Variants in NID1 observed in about 807,000 individuals in gnomAD.
NID1 encodes the protein nidogen-1.
In NID1, 76 loss-of-function variants were observed where a neutral mutation model predicts 130.6. The observed-to-expected ratio is 0.58, with a 90% CI of 0.48 to 0.70. The LOEUF (loss-of-function observed/expected upper bound fraction) is 0.70. Ranked by LOEUF, NID1 falls within the 30% of genes least tolerant of loss-of-function variation. The pLI, the probability that NID1 is intolerant of heterozygous loss-of-function variation, is 0.00. For missense variants in NID1, 1,517 were observed against 1,664.8 expected (o/e 0.91, Z 1.54); for synonymous variants, 665 against 675.1 (o/e 0.98, Z 0.23).
chr1:236,011,335 C>T (rs1298130000), intron 12 of NID1, among the ~76,000 whole-genome samples: 1 of 144,532 alleles, frequency 6.9e-6, no homozygotes, highest in East Asian at 2.0e-4. Flanking sequence ...GGCAGTCCCA[C>T]TCTGTCACCC....
rs1657235905 is a variant in NID1 at position 235,975,935 on chromosome 1, T to A, written c.*1932A>T. The A allele has an allele frequency of 6.5e-6, 1 of 152,672 alleles. No individual in the cohort carries two copies. Among genetic ancestry groups the A allele is most frequent in the Non-Finnish European group, 1.5e-5 (1 of 68,044 alleles). The allele number at this position is 152,672 out of a possible 1,614,324, so 9.5% of individuals were successfully genotyped here. On this transcript the variant is annotated 3_prime_UTR_variant, in exon 20 of 20. Transcript: ENST00000264187. ...TCTGGGAGAACAGTTAATAAGCACCTTCAGTGGTTTCCACAGTTTAAGAAT... is the reference window on the plus strand; with the variant it reads ...TCTGGGAGAACAGTTAATAAGCACCATCAGTGGTTTCCACAGTTTAAGAAT...
chr1:236,047,779 C>T (rs1332627158), intron 2 of NID1, among the ~76,000 whole-genome samples: 1 of 152,120 alleles, frequency 6.6e-6, no homozygotes, highest in Admixed American at 6.5e-5. Context: ...GTAATCCCAG[C>T]ACTTTGGGAG....
chr1:236,032,740 G>A, intron 5 of NID1, 88 bp from the exon 6 acceptor site: 1 of 1,511,354 alleles, frequency 6.6e-7, no homozygotes, highest in East Asian at 2.3e-5. Flanking sequence ...GTACCTATTG[G>A]TGAAGAAAGC....
At position 236,045,538 on chromosome 1, in the gene NID1, C is replaced by A; in HGVS notation, c.671G>T (p.Gly224Val). The A allele has an allele frequency of 6.2e-7, 1 of 1,614,126 alleles. No individual in the cohort carries two copies. The highest frequency in any genetic ancestry group is 1.1e-5 in the South Asian group (1 of 91,082). Residue 224 changes from glycine (G) to valine (V), a missense_variant, in exon 3 of 20, where the codon GGT becomes GTT. By Grantham distance (109) the Gly-to-Val change is moderately radical. Coordinates refer to ENST00000264187, the MANE Select transcript of NID1 (RefSeq NM_002508.3). ...GCTCTTCCATAAGAATCCCACTGAA[C>A]CTTGACTGAATGCAACCACGGCAGG... ...QVPAVVAFSQ[G>V]SVGFLWKSNG...
chr1:236,000,983 C>T (rs75150223), intron 12 of NID1, among the ~76,000 whole-genome samples: 4,469 of 152,200 alleles, frequency 0.029, 205 homozygotes, highest in African/African-American at 0.096. Flanking sequence ...AGTCCACGCC[C>T]CACTACAGAG....
At chr1:236,036,473 T>C (rs1373710361) in intron 5 of NID1, among the ~76,000 whole-genome samples, 1 of 152,208 alleles carries the variant, frequency 6.6e-6, no homozygotes, top group African/African-American at 2.4e-5. Context: ...TCCAGTTGAC[T>C]TTTATTTAGT....
At chr1:236,039,222 TTA>T (rs1361661450) in intron 4 of NID1, among the ~76,000 whole-genome samples, 3 of 147,460 alleles carry the variant, frequency 2.0e-5, no homozygotes, top group Non-Finnish European at 3.0e-5. Flanking sequence ...CTACATATAA[TTA>T]TATGATATAA....
intron 12 of NID1, among the ~76,000 whole-genome samples, chr1:236,003,907 C>T (rs1193027454): frequency 6.6e-6 from 1 of 151,916 alleles, no homozygotes; most frequent in African/African-American, 2.4e-5. Context: ...GTGGCACACA[C>T]CTGTAATCCC....
Position 235,977,832 on chromosome 1 carries a change from G to A in NID1, c.*35C>T, listed in dbSNP as rs1399984222. ...GTTGCTTCAAGTAGAGTGTTGCTGT[G>A]AAATACTTGGAAAGGAAATAAGGCA... On this transcript the variant is annotated 3_prime_UTR_variant, in exon 20 of 20. Transcript: ENST00000264187. The A allele has an allele frequency of 6.2e-7, 1 of 1,610,070 alleles. No individual in the cohort carries two copies. The highest frequency in any genetic ancestry group is 1.1e-5 in the South Asian group (1 of 90,652).
At chr1:236,000,652 G>A (rs1161031535) in intron 12 of NID1, among the ~76,000 whole-genome samples, 1 of 152,060 alleles carries the variant, frequency 6.6e-6, no homozygotes, top group Non-Finnish European at 1.5e-5. Flanking sequence ...CCTTAACTTG[G>A]GCAAAATAAA....
At chr1:236,012,159 A>G in intron 11 of NID1, 116 bp from the exon 12 acceptor site, 1 of 1,282,284 alleles carries the variant, frequency 7.8e-7, no homozygotes, top group South Asian at 1.4e-5. Context: ...ATCTGGGAAC[A>G]GTAATCCAAA....
chr1:235,980,473 G>A (rs756608342), intron 17 of NID1, 23 bp downstream of exon 17: 1 of 1,613,602 alleles, frequency 6.2e-7, no homozygotes, highest in Non-Finnish European at 8.5e-7. Flanking sequence ...ACCCGCCCTG[G>A]ACAGTGTCCA....
chr1:235,979,900 C>G lies in NID1; in HGVS notation c.3431G>C (p.Arg1144Pro), dbSNP rs375292088. 1 of 1,613,964 alleles carries G rather than the reference C, an allele frequency of 6.2e-7. No individual in the cohort carries two copies. Among genetic ancestry groups the G allele is most frequent in the African/African-American group, 1.3e-5 (1 of 74,928 alleles). Residue 1144 changes from arginine to proline, a missense_variant, in exon 18 of 20, where the codon CGC (arginine) becomes CCC (proline). Around this residue, in one of 3 missense-constraint regions of NID1, gnomAD observed 181 missense variants for 211.3 expected, o/e 0.86. Coordinates refer to ENST00000264187, the MANE Select transcript of NID1 (RefSeq NM_002508.3). This position sits in a 1 kb window ranked among gnomAD's most constrained non-coding sequence, Gnocchi z 4.6. Reference sequence around the variant, plus strand: ...ATACTGGAGCCCTTCGAGAGCCTTGCGTCTGCTGGGCTGACTGGGGTTCAG... The same window carrying G: ...ATACTGGAGCCCTTCGAGAGCCTTGGGTCTGCTGGGCTGACTGGGGTTCAG... ...ECLNPSQPSR[R>P]KALEGLQYPF...
intron 12 of NID1, among the ~76,000 whole-genome samples, chr1:235,999,591 G>T (rs1658020441): frequency 6.6e-6 from 1 of 152,036 alleles, no homozygotes; most frequent in Non-Finnish European, 1.5e-5. Flanking sequence ...GCTTGTTTCT[G>T]GTTGATACAT....
chr1:236,026,678 G>A (rs990799214), intron 7 of NID1, among the ~76,000 whole-genome samples: 1 of 151,884 alleles, frequency 6.6e-6, no homozygotes, highest in African/African-American at 2.4e-5. Context: ...CTGTCACAAC[G>A]TGCTAACTGC....
chr1:235,979,798 C>G lies in NID1; in HGVS notation c.3509+24G>C. 1 of 1,611,318 alleles carries G rather than the reference C, an allele frequency of 6.2e-7. No individual in the cohort carries two copies. Among genetic ancestry groups the G allele is most frequent in the Non-Finnish European group, 8.5e-7 (1 of 1,178,260 alleles). On this transcript the variant is annotated intron_variant, in intron 18 of 19. Coordinates refer to ENST00000264187, the MANE Select transcript of NID1 (RefSeq NM_002508.3). The surrounding 1 kb of genome is among the most constrained non-coding windows in gnomAD (Gnocchi z 4.6). ...TGGGTGGAGGGGCAGGCCCACGCAG[C>G]CCCCATGGCTACAGCTGACGTACAT...
At chr1:236,040,662 CT>C (rs36050664) in intron 4 of NID1, among the ~76,000 whole-genome samples, 175 of 143,306 alleles carry the variant, frequency 1.2e-3, no homozygotes, top group East Asian at 1.4e-3. Flanking sequence ...GTTGGAACAT[CT>C]TTTTTTTTTT....
At chr1:236,037,936 G>A (rs1002228011) in intron 5 of NID1, among the ~76,000 whole-genome samples, 168 bp downstream of exon 5, 1 of 152,116 alleles carries the variant, frequency 6.6e-6, no homozygotes, top group Non-Finnish European at 1.5e-5. Flanking sequence ...GGGGATGCCT[G>A]TAGAGAATAC....
chr1:236,047,002 C>G (rs1387198181), intron 2 of NID1, among the ~76,000 whole-genome samples: 1 of 152,090 alleles, frequency 6.6e-6, no homozygotes, highest in East Asian at 1.9e-4. Context: ...TCCCAGCTAC[C>G]TGGGAGGCTG....
Sources: allele counts gnomAD v4.1 joint callset (sites outside exome capture counted in the v4.1 genomes callset), GRCh38; gene constraint gnomAD v4.1.1; regional missense constraint gnomAD v4.1.1; non-coding constraint Gnocchi (gnomAD v3.1); transcripts MANE v1.5; gene names NCBI Gene and HGNC (gene_info 2026-07-23, HGNC 2026-07-21).